Variants in TENM4 observed in about 807,000 individuals in gnomAD.
The protein encoded by TENM4 is teneurin transmembrane protein 4.
Under a neutral mutation model 243.3 loss-of-function variants are expected in TENM4, and 82 were observed. The ratio of observed to expected loss-of-function variants is 0.34; its 90% confidence interval spans 0.28 to 0.40. The LOEUF (loss-of-function observed/expected upper bound fraction) is 0.40. TENM4 is among the 10% of genes least tolerant of loss of function. The probability of loss-of-function intolerance (pLI) is 1.00; values close to 1 mark genes in which losing one functional copy is unlikely to be tolerated. For synonymous variants in TENM4, 1,412 were observed against 1,456.3 expected, an observed-to-expected ratio of 0.97 and a Z score of 0.69; for missense variants, 3,138 against 3,673.3, an observed-to-expected ratio of 0.85 and a Z score of 3.77.
At chr11:79,385,076 C>A (rs1697572951) in intron 1 of TENM4, among the ~76,000 whole-genome samples, 1 of 152,036 alleles carries the variant, frequency 6.6e-6, no homozygotes, top group Non-Finnish European at 1.5e-5. Flanking sequence ...AGGGTTGCAG[C>A]CCAAAGTGGC....
intron 2 of TENM4, among the ~76,000 whole-genome samples, chr11:79,284,095 G>A (rs776983822): frequency 2.0e-5 from 3 of 152,170 alleles, no homozygotes; most frequent in Non-Finnish European, 4.4e-5. Flanking sequence ...TTTGTGGATT[G>A]GGAGATTTAA....
At chr11:79,218,696 A>G (rs968459247) in intron 2 of TENM4, among the ~76,000 whole-genome samples, 44 of 152,098 alleles carry the variant, frequency 2.9e-4, no homozygotes, top group African/African-American at 9.9e-4. Flanking sequence ...CAATCTTTCA[A>G]TCTGTTTATT....
At chr11:79,130,540 C>G (rs1317869274) in intron 4 of TENM4, among the ~76,000 whole-genome samples, 1 of 151,924 alleles carries the variant, frequency 6.6e-6, no homozygotes, top group Non-Finnish European at 1.5e-5. Context: ...AAAAGAAAAA[C>G]AGTCCAGGTG....
chr11:79,365,171 G>A (rs1270703346), intron 1 of TENM4, among the ~76,000 whole-genome samples: 2 of 152,178 alleles, frequency 1.3e-5, no homozygotes, highest in African/African-American at 2.4e-5. Context: ...AGCCCCAAGA[G>A]GCTTTGAGCT....
intron 1 of TENM4, among the ~76,000 whole-genome samples, chr11:79,418,447 G>C (rs1858864039): frequency 2.0e-5 from 3 of 152,172 alleles, no homozygotes; most frequent in African/African-American, 4.8e-5. Flanking sequence ...TATCTGTTGA[G>C]TCATAGCCAA....
chr11:79,002,013 G>A (rs966021548), intron 6 of TENM4, among the ~76,000 whole-genome samples: 6 of 152,066 alleles, frequency 3.9e-5, no homozygotes, highest in African/African-American at 1.2e-4. Context: ...CATCCAGGGT[G>A]CACCTGGCTT....
intron 23 of TENM4, among the ~76,000 whole-genome samples, chr11:78,725,084 T>C (rs1855482810): frequency 1.3e-5 from 2 of 152,242 alleles, no homozygotes; most frequent in African/African-American, 2.4e-5. Flanking sequence ...CTTAGTTTAA[T>C]TACTCTTCCC....
rs150583491 is a variant in TENM4, at chr11:79,276,601, G to A, written c.-265+20887C>T. ...GGGCCTTTATCCAAGGCCTCTCCAGGAAGACACAGCCAGAAACATGCTCTT... is the reference window on the plus strand; with the variant it reads ...GGGCCTTTATCCAAGGCCTCTCCAGAAAGACACAGCCAGAAACATGCTCTT... On this transcript the variant is annotated intron_variant, in intron 2 of 33. Coordinates refer to ENST00000278550, the MANE Select transcript of TENM4 (RefSeq NM_001098816.3). 3.3e-3 allele frequency among the ~76,000 whole-genome samples: 495 copies of A among 152,282 alleles called. 6 individuals are homozygous for A. The highest frequency in any genetic ancestry group is 1.5e-3 in the East Asian group (8 of 5,162).
chr11:78,867,856 A>G (rs1192445231), intron 9 of TENM4, among the ~76,000 whole-genome samples: 1 of 152,024 alleles, frequency 6.6e-6, no homozygotes, highest in East Asian at 1.9e-4. Flanking sequence ...CAAGTTTAAA[A>G]CTCAGGACCC....
At chr11:78,803,218 C>T (rs1365856621) in intron 15 of TENM4, among the ~76,000 whole-genome samples, 2 of 151,966 alleles carry the variant, frequency 1.3e-5, no homozygotes, top group South Asian at 4.2e-4. Context: ...TTAGTGGAGA[C>T]GGGGTTTCAC....
At chr11:79,203,336 A>G (rs988151838) in intron 3 of TENM4, among the ~76,000 whole-genome samples, 9 of 152,236 alleles carry the variant, frequency 5.9e-5, no homozygotes, top group Non-Finnish European at 1.2e-4. Flanking sequence ...ATTATTCATA[A>G]TAGCATAAAG....
intron 15 of TENM4, among the ~76,000 whole-genome samples, chr11:78,802,290 A>C (rs1051069969): frequency 6.6e-6 from 1 of 152,218 alleles, no homozygotes; most frequent in Admixed American, 6.5e-5. Flanking sequence ...TACCAAAACG[A>C]TGTACTTTAA....
intron 1 of TENM4, among the ~76,000 whole-genome samples, chr11:79,373,314 CTGGCTGGCTGGCTGGCTGGA>C (rs914006225): frequency 7.7e-5 from 11 of 142,044 alleles, no homozygotes; most frequent in Middle Eastern, 3.5e-3. Flanking sequence ...GGCTGGCTGG[CTGGCTGGCTGGCTGGCTGGA>C]TGGATGGATG....
At chr11:78,814,504 G>A in intron 12 of TENM4, 109 bp from the exon 13 acceptor site, 1 of 836,152 alleles carries the variant, frequency 1.2e-6, no homozygotes, top group Non-Finnish European at 1.9e-6. Flanking sequence ...GAGCTCTTGT[G>A]GCCCCGTCAC....
chr11:78,791,540 C>A (rs1033511180), intron 15 of TENM4, among the ~76,000 whole-genome samples: 9 of 152,182 alleles, frequency 5.9e-5, no homozygotes, highest in African/African-American at 2.2e-4. Context: ...TGGTTGATTT[C>A]TTGGGTGCTC....
chr11:79,270,668 C>T (rs1176399674), intron 2 of TENM4, among the ~76,000 whole-genome samples: 1 of 152,180 alleles, frequency 6.6e-6, no homozygotes, highest in Non-Finnish European at 1.5e-5. Flanking sequence ...CTAGAGCACC[C>T]TCCACTTCAC....
intron 4 of TENM4, among the ~76,000 whole-genome samples, chr11:79,102,184 G>C (rs1861249028): frequency 6.6e-6 from 1 of 152,222 alleles, no homozygotes; most frequent in Admixed American, 6.5e-5. Context: ...CGTCCGTCAA[G>C]TACAGCAGTT....
rs1857562347 is a variant in TENM4, at chr11:78,814,401, G to A, written c.1682-6C>T. 1.3e-6 allele frequency: 2 copies of A among 1,547,634 alleles called. No homozygotes were observed. The highest frequency in any genetic ancestry group is 1.4e-5 in the African/African-American group (1 of 72,690). ...GGGGCAGTTATCCACCGACTCTGGG[G>A]AGAGAAAGGAGAAGGAGAGTTGAAA... is the stretch of plus-strand genomic sequence containing the variant. On this transcript the variant is annotated splice_region_variant and splice_polypyrimidine_tract_variant and intron_variant, in intron 12 of 33. Coordinates refer to ENST00000278550, the MANE Select transcript of TENM4 (RefSeq NM_001098816.3).
At chr11:79,217,201 G>A (rs529112295) in intron 2 of TENM4, among the ~76,000 whole-genome samples, 1 of 152,258 alleles carries the variant, frequency 6.6e-6, no homozygotes, top group South Asian at 2.1e-4. Flanking sequence ...GTAAGGGGGA[G>A]GTGCTAAGGT....
Sources: allele counts gnomAD v4.1 joint callset (sites outside exome capture counted in the v4.1 genomes callset), GRCh38; gene constraint gnomAD v4.1.1; transcripts MANE v1.5; gene names NCBI Gene and HGNC (gene_info 2026-07-23, HGNC 2026-07-21).